ASL: variants seen among roughly 807,000 people sequenced by gnomAD.
ASL encodes argininosuccinase.
In ASL, 51 loss-of-function variants were observed where a neutral mutation model predicts 69.1. That is an observed-to-expected ratio of 0.74 (90% CI 0.59 to 0.93). The LOEUF is 0.93. ASL is among the 40% of genes least tolerant of loss of function. The pLI is 0.00. For synonymous variants in ASL, 241 were observed against 247.6 expected, an observed-to-expected ratio of 0.97 and a Z score of 0.25; for missense variants, 540 against 623.9, an observed-to-expected ratio of 0.87 and a Z score of 1.43.
At chr7:66,078,948 C>T (rs1257919519) in intron 2 of ASL, among the ~76,000 whole-genome samples, 3 of 152,146 alleles carry the variant, frequency 2.0e-5, no homozygotes, top group African/African-American at 4.8e-5. Flanking sequence ...CTTGCTCTGT[C>T]GCCCAGGCTG....
intron 2 of ASL, 62 bp from the exon 3 acceptor site, chr7:66,081,741 T>C: frequency 6.4e-7 from 1 of 1,557,098 alleles, no homozygotes; most frequent in Non-Finnish European, 8.7e-7. Flanking sequence ...CAAAGACTCT[T>C]TGCAAGAAGC....
intron 13 of ASL, 101 bp downstream of exon 13, chr7:66,089,436 C>T (rs1444758869): frequency 6.7e-7 from 1 of 1,487,778 alleles, no homozygotes; most frequent in Non-Finnish European, 9.2e-7. Flanking sequence ...TCCTCCCATC[C>T]TGTGCACACA....
rs963232564 is a variant in ASL, at chr7:66,086,490, T to C, written c.447-95T>C. ...CAGGTGGAGTGCTGCAGCGTGACACTTTTTCCAGGGGTGACCCAGGCCTGC... is the reference window on the plus strand; with the variant it reads ...CAGGTGGAGTGCTGCAGCGTGACACCTTTTCCAGGGGTGACCCAGGCCTGC... On this transcript the variant is annotated intron_variant, in intron 6 of 16. Transcript: ENST00000304874. 14 of 1,372,446 alleles carry C rather than the reference T, an allele frequency of 1.0e-5. No homozygotes were observed. In the African/African-American group the frequency reaches 2.0e-4, roughly 20 times the overall value. 85.0% of individuals were successfully genotyped at this position (1,372,446 alleles called of 1,614,324 possible).
At chr7:66,077,387 G>A (rs62467421) in intron 2 of ASL, among the ~76,000 whole-genome samples, 5,496 of 152,060 alleles carry the variant, frequency 0.036, 154 homozygotes, top group East Asian at 0.076. Context: ...TCTCACCACT[G>A]CACTCCAGCC....
At chr7:66,082,818 C>G in intron 4 of ASL, 62 bp from the exon 5 acceptor site, 1 of 1,604,866 alleles carries the variant, frequency 6.2e-7, no homozygotes. Flanking sequence ...GGAAAACTGC[C>G]CTGCCTGGGT....
At chr7:66,078,904 GGTTTTT>G (rs777811531) in intron 2 of ASL, among the ~76,000 whole-genome samples, 4 of 150,722 alleles carry the variant, frequency 2.7e-5, no homozygotes, top group African/African-American at 7.3e-5. Flanking sequence ...CAACCCTGAG[GGTTTTT>G]GTTTTTGTTT....
At position 66,092,067 on chromosome 7, in the gene ASL, A is replaced by G. The variant is rs886062406; in HGVS notation, c.1124A>G (p.Tyr375Cys). ...GACATGCTGGCCACTGACCTTGCCTATTACCTGGTCCGCAAAGGGGTAAGT... is the reference window on the plus strand; with the variant it reads ...GACATGCTGGCCACTGACCTTGCCTGTTACCTGGTCCGCAAAGGGGTAAGT... Reference protein sequence around the residue: ...SPDMLATDLAYYLVRKGMPFR... With the variant: ...SPDMLATDLACYLVRKGMPFR... The change falls in exon 15 of 17, where the codon TAT (tyrosine) becomes TGT (cysteine). Residue 375 changes from tyrosine to cysteine, a missense_variant. Coordinates refer to ENST00000304874, the MANE Select transcript of ASL (RefSeq NM_000048.4). 6.2e-6 allele frequency: 10 copies of G among 1,612,700 alleles called. No homozygotes were observed. The East Asian group carries it at 1.8e-4, about 29-fold the overall frequency.
At chr7:66,086,445 A>G in intron 6 of ASL, 140 bp from the exon 7 acceptor site, 1 of 891,874 alleles carries the variant, frequency 1.1e-6, no homozygotes, top group East Asian at 2.6e-5. Context: ...TGTCCCTGGG[A>G]GATCACCAGA....
intron 9 of ASL, 139 bp downstream of exon 9, chr7:66,087,525 A>G: frequency 8.6e-7 from 1 of 1,166,652 alleles, no homozygotes; most frequent in Non-Finnish European, 1.2e-6. Context: ...CACTGAGGTC[A>G]TCAAGTTCAG....
rs181991556 is a variant in ASL at position 66,092,180 on chromosome 7, G to A, written c.1143+94G>A. 135 of 1,449,178 alleles carry A rather than the reference G, an allele frequency of 9.3e-5. No individual in the cohort carries two copies. The Admixed American group carries it at 1.9e-3, about 20-fold the overall frequency. 89.8% of individuals were successfully genotyped at this position (1,449,178 alleles called of 1,614,324 possible). On this transcript the variant is annotated intron_variant, in intron 15 of 16. Transcript: ENST00000304874. ...GGAATGGGTGCAAGCGGCCCAGCCT[G>A]GTGGCTCACCCCTGTAATCCCAGCA... is the stretch of plus-strand genomic sequence containing the variant.
In ASL at chr7:66,083,009, GCAGCGGTCCTGGCTCCT is replaced by G; in HGVS notation, c.349-64_349-48del. 4 of 1,611,256 alleles carry G rather than the reference GCAGCGGTCCTGGCTCCT, an allele frequency of 2.5e-6. No homozygotes were observed. The South Asian group carries it at 4.4e-5, about 18-fold the overall frequency. On this transcript the variant is annotated intron_variant, in intron 5 of 16. Transcript: ENST00000304874. Reference sequence around the variant, plus strand: ...GAGCCCAGGGGGCAGTTAGAGTTCTGCAGCGGTCCTGGCTCCTCAGGGAAGCAACACATCGGCCTCCC... The same window carrying G: ...GAGCCCAGGGGGCAGTTAGAGTTCTGCAGGGAAGCAACACATCGGCCTCCC...
intron 2 of ASL, among the ~76,000 whole-genome samples, chr7:66,079,398 G>T (rs1275806239): frequency 6.6e-6 from 1 of 151,988 alleles, no homozygotes; most frequent in African/African-American, 2.4e-5. Context: ...CACTAGGGCT[G>T]CTCCCCAGGT....
chr7:66,076,473 C>T (rs1786350088), intron 2 of ASL, among the ~76,000 whole-genome samples: 1 of 152,194 alleles, frequency 6.6e-6, no homozygotes, highest in Admixed American at 6.5e-5. Context: ...ACACCACATC[C>T]CTTCTCCTGC....
intron 15 of ASL, among the ~76,000 whole-genome samples, 160 bp downstream of exon 15, chr7:66,092,246 G>C (rs1786868479): frequency 6.6e-6 from 1 of 152,024 alleles, no homozygotes; most frequent in South Asian, 2.1e-4. Flanking sequence ...GAGGCCAGGA[G>C]TTCGAGACCA....
At position 66,092,068 on chromosome 7, in the gene ASL, T is replaced by C. The variant is rs776110149; in HGVS notation, c.1125T>C (p.Tyr375=). 6.2e-7 allele frequency: 1 copy of C among 1,612,846 alleles called. No homozygotes were observed. Among genetic ancestry groups the C allele is most frequent in the Admixed American group, 1.7e-5 (1 of 59,986 alleles). The change falls in exon 15 of 17, where the codon TAT becomes TAC. Residue 375 remains tyrosine, a synonymous_variant. Transcript: ENST00000304874. ...ACATGCTGGCCACTGACCTTGCCTA[T>C]TACCTGGTCCGCAAAGGGGTAAGTG... ...SPDMLATDLA[Y]YLVRKGMPFR...
chr7:66,091,097 C>CAAAAAA (rs71051336), intron 14 of ASL, among the ~76,000 whole-genome samples: 1 of 73,402 alleles, frequency 1.4e-5, no homozygotes. Flanking sequence ...GACTCCATCT[C>CAAAAAA]AAAAAAAAAA....
At chr7:66,092,133 C>T (rs1440938755) in intron 15 of ASL, 47 bp downstream of exon 15, 1 of 1,596,902 alleles carries the variant, frequency 6.3e-7, no homozygotes, top group African/African-American at 1.3e-5. Context: ...GGGGTGCCCC[C>T]CCCAGAGGGT....
rs150468119 is a variant in ASL, at chr7:66,093,453, G to A, written c.*541G>A. ...CCAGGCCCCATCCCCTTCAGACAGG[G>A]TATCACAGTGACCTCCTAGGCCAGG... On this transcript the variant is annotated 3_prime_UTR_variant, in exon 17 of 17. Coordinates refer to ENST00000304874, the MANE Select transcript of ASL (RefSeq NM_000048.4). The A allele has an allele frequency of 2.2e-5, 4 of 181,844 alleles. No individual in the cohort carries two copies. The East Asian group carries it at 5.5e-4, about 25-fold the overall frequency. 11.3% of individuals were successfully genotyped at this position (181,844 alleles called of 1,614,324 possible).
At chr7:66,079,155 G>A (rs996142504) in intron 2 of ASL, among the ~76,000 whole-genome samples, 1 of 152,098 alleles carries the variant, frequency 6.6e-6, no homozygotes, top group African/African-American at 2.4e-5. Context: ...CTGACCTCGT[G>A]ATCTGCCCAC....
Sources: gnomAD v4.1 joint callset for allele counts (sites outside exome capture counted in the v4.1 genomes callset) on GRCh38, gnomAD v4.1.1 for gene constraint, MANE v1.5 for transcripts, NCBI Gene and HGNC (gene_info 2026-07-23, HGNC 2026-07-21) for gene names.